Variants in FGF13 observed in about 807,000 individuals in gnomAD.
The protein encoded by FGF13 is fibroblast growth factor homologous factor 2.
In FGF13, 2 loss-of-function variants were observed where a neutral mutation model predicts 19.5. That is an observed-to-expected ratio of 0.10 (90% confidence interval 0.04 to 0.32). The LOEUF (loss-of-function observed/expected upper bound fraction) is 0.32. Among genes scored for constraint, FGF13 ranks in the 10% least tolerant of loss-of-function variants. FGF13 has a pLI of 1.00. For synonymous variants in FGF13, 72 were observed against 76.9 expected, an observed-to-expected ratio of 0.94 and a Z score of 0.33; for missense variants, 113 against 192.7, an observed-to-expected ratio of 0.59 and a Z score of 2.45.
intron 1 of FGF13, among the ~76,000 whole-genome samples, chrX:138,934,935 A>G (rs1261170216): frequency 9.0e-6 from 1 of 110,816 alleles, no homozygotes; most frequent in Non-Finnish European, 1.9e-5. Flanking sequence ...TACTATGCAT[A>G]TTACTAAACA....
At chrX:138,843,379 A>G (rs2091162005) in intron 3 of FGF13, among the ~76,000 whole-genome samples, 2 of 112,481 alleles carry the variant, frequency 1.8e-5, no homozygotes, top group African/African-American at 6.5e-5. Flanking sequence ...ATTCCAACCT[A>G]TAATCAAAGC....
intron 3 of FGF13, among the ~76,000 whole-genome samples, chrX:138,774,932 C>T (rs933366577): frequency 8.9e-6 from 1 of 112,216 alleles, no homozygotes; most frequent in African/African-American, 3.2e-5. Flanking sequence ...CCATATTCTT[C>T]ATGCTCTTTG....
In FGF13 at chrX:138,788,621, A is replaced by G. The variant is rs748446646; in HGVS notation, c.217+68891T>C. ...AGCAAATAACTCTGTGGTCCTGTCC[A>G]ATACAATCTAAGAAGTCTGACAGCC... On this transcript the variant is annotated intron_variant, in intron 3 of 6. Transcript: ENST00000436198. Among the ~76,000 whole-genome samples the G allele has an allele frequency of 3.6e-5, 4 of 112,242 alleles. No homozygotes were observed. The South Asian group carries it at 1.5e-3, about 42-fold the overall frequency.
intron 1 of FGF13, among the ~76,000 whole-genome samples, chrX:138,945,193 G>C (rs1423559262): frequency 4.5e-5 from 5 of 111,049 alleles, no homozygotes; most frequent in Non-Finnish European, 9.5e-5. Flanking sequence ...TGGAGGGCTT[G>C]AATTTTTGTT....
In FGF13 at chrX:138,635,663, A is replaced by T; in HGVS notation, c.403-8T>A. The T allele has an allele frequency of 8.4e-7, 1 of 1,187,356 alleles. No individual in the cohort carries two copies. Among genetic ancestry groups the T allele is most frequent in the Non-Finnish European group, 1.1e-6 (1 of 873,768 alleles). ...CTCAGGTGTGAAAAGTTCCTGCAAC[A>T]AAAGTAAATAAACAAAAGTTCAGTG... On this transcript the variant is annotated splice_region_variant and splice_polypyrimidine_tract_variant and intron_variant, in intron 3 of 4. Coordinates refer to ENST00000315930, the MANE Select transcript of FGF13 (RefSeq NM_004114.5).
At position 138,798,619 on chromosome X, in the gene FGF13, G is replaced by A. The variant is rs187422682; in HGVS notation, c.217+58893C>T. 4.7e-3 allele frequency among the ~76,000 whole-genome samples: 528 copies of A among 111,569 alleles called. 3 individuals carry two copies. Among genetic ancestry groups the A allele is most frequent in the African/African-American group, 0.016 (488 of 30,736 alleles). Reference sequence around the variant, plus strand: ...AGGAGTCCCTCTTTTTTTATTGATTGGAATAGTTTCAGAAGGAATGGTACC... The same window carrying A: ...AGGAGTCCCTCTTTTTTTATTGATTAGAATAGTTTCAGAAGGAATGGTACC... On this transcript the variant is annotated intron_variant, in intron 3 of 6. Transcript: ENST00000436198.
At chrX:138,955,594 T>C (rs1434507627) in intron 1 of FGF13, among the ~76,000 whole-genome samples, 3 of 112,142 alleles carry the variant, frequency 2.7e-5, no homozygotes, top group Middle Eastern at 4.2e-3. Flanking sequence ...TCCGACAGGA[T>C]ACAAAGTGTG....
chrX:138,752,660 C>A (rs750365092), intron 3 of FGF13, among the ~76,000 whole-genome samples: 3 of 111,244 alleles, frequency 2.7e-5, no homozygotes, highest in Non-Finnish European at 3.8e-5. Context: ...GAAACAAGAC[C>A]TCATTACCCC....
At position 138,662,252 on chromosome X, in the gene FGF13, T is replaced by C. The variant is rs184303052; in HGVS notation, c.403-26597A>G. Among the ~76,000 whole-genome samples the C allele has an allele frequency of 3.6e-3, 397 of 111,696 alleles. 2 individuals are homozygous for C. Among genetic ancestry groups the C allele is most frequent in the African/African-American group, 0.012 (368 of 30,801 alleles). On this transcript the variant is annotated intron_variant, in intron 3 of 4. Transcript: ENST00000315930. ...CAGATCCATTGTTCGTTTAATTTCA[T>C]TATTTTTTCTTATACCATAGTGCCT...
intron 3 of FGF13, among the ~76,000 whole-genome samples, chrX:138,689,024 G>A (rs1326252518): frequency 9.0e-6 from 1 of 111,372 alleles, no homozygotes; most frequent in Non-Finnish European, 1.9e-5. Context: ...TTACTACAGA[G>A]GTGATACAGA....
In FGF13 at chrX:138,728,527, G is replaced by A. The variant is rs185099154; in HGVS notation, c.28+10715C>T. 3.0e-3 allele frequency among the ~76,000 whole-genome samples: 333 copies of A among 111,134 alleles called. 1 individual carries two copies. The highest frequency in any genetic ancestry group is 0.01 in the African/African-American group (308 of 30,622). ...CTGCGATAATGGTCCTCAGGCACAA[G>A]TCTAATATATGCTAGTAAACAAATT... On this transcript the variant is annotated intron_variant, in intron 1 of 4. Transcript: ENST00000305414.
At position 138,623,367 on chromosome X, in the gene FGF13, A is replaced by C. The variant is rs1195625067; in HGVS notation, c.*9483T>G. 1 of 111,125 alleles carries C rather than the reference A, an allele frequency of 9.0e-6. No homozygotes were observed. Among genetic ancestry groups the C allele is most frequent in the Non-Finnish European group, 1.9e-5 (1 of 53,084 alleles). 9.2% of individuals were successfully genotyped at this position (111,125 alleles called of 1,213,427 possible). A position where few individuals can be genotyped will look rare whatever the true frequency, so the allele number is the denominator to read the frequency against. On this transcript the variant is annotated 3_prime_UTR_variant, in exon 5 of 5. Coordinates refer to ENST00000315930, the MANE Select transcript of FGF13 (RefSeq NM_004114.5). ...CTCTTCATTTTTTTGGAAGATTTTG[A>C]GAAGGATTGGTATTAGTTTTTCCTC...
At chrX:139,115,280 C>T (rs2083631565) in intron 1 of FGF13, among the ~76,000 whole-genome samples, 1 of 112,231 alleles carries the variant, frequency 8.9e-6, no homozygotes, top group Admixed American at 9.5e-5. Flanking sequence ...TGCCTTCTTT[C>T]TTACTAACAA....
chrX:138,802,859 C>T (rs946905539), intron 3 of FGF13, among the ~76,000 whole-genome samples: 11 of 111,697 alleles, frequency 9.8e-5, no homozygotes, highest in Non-Finnish European at 2.1e-4. Flanking sequence ...CCCTCCAAAG[C>T]ATCAATTGCA....
chrX:139,050,634 G>A (rs1392177127), intron 1 of FGF13, among the ~76,000 whole-genome samples: 1 of 112,181 alleles, frequency 8.9e-6, no homozygotes, highest in Non-Finnish European at 1.9e-5. Context: ...CTCTCAAAGG[G>A]AGGCCACTAT....
In FGF13 at chrX:139,048,568, T is replaced by G. The variant is rs781053321; in HGVS notation, c.-113+154848A>C. The stretch of plus-strand genomic sequence containing the variant: ...TCTCACCTTCTACAGCTCTTGTTTT[T>G]TTTTTTTTTTCTATTGAATACAATG... On this transcript the variant is annotated intron_variant, in intron 1 of 2. Coordinates refer to the FGF13 transcript ENST00000421460. Among the ~76,000 whole-genome samples the G allele has an allele frequency of 5.5e-5, 6 of 108,551 alleles. No individual in the cohort carries two copies. In the South Asian group the frequency reaches 1.6e-3, roughly 28 times the overall value. The allele number at this position is 108,551 out of a possible 115,157, so 94.3% of individuals were successfully genotyped here.
chrX:138,877,181 C>T (rs2091394693), intron 1 of FGF13, among the ~76,000 whole-genome samples: 2 of 108,251 alleles, frequency 1.8e-5, no homozygotes, highest in South Asian at 4.1e-4. Flanking sequence ...ACCACCATGG[C>T]ACACGTATAC....
At chrX:138,794,336 A>C (rs2090762606) in intron 3 of FGF13, among the ~76,000 whole-genome samples, 1 of 111,917 alleles carries the variant, frequency 8.9e-6, no homozygotes, top group Non-Finnish European at 1.9e-5. Flanking sequence ...AAAACTATAC[A>C]AGTTGCCATC....
At chrX:139,159,959 C>T (rs1292598791) in intron 1 of FGF13, among the ~76,000 whole-genome samples, 2 of 111,137 alleles carry the variant, frequency 1.8e-5, no homozygotes, top group South Asian at 3.8e-4. Context: ...AGGATATTCA[C>T]GACTTGAACT....
Sources: allele counts gnomAD v4.1 joint callset (sites outside exome capture counted in the v4.1 genomes callset), GRCh38; gene constraint gnomAD v4.1.1; transcripts MANE v1.5; gene names NCBI Gene and HGNC (gene_info 2026-07-23, HGNC 2026-07-21).